Variants in FGD3 observed in about 807,000 individuals in gnomAD.
FGD3 encodes FYVE, RhoGEF and PH domain containing 3.
A neutral mutation model predicts 71.8 loss-of-function variants in FGD3; 45 were observed. The observed-to-expected ratio is 0.63, with a 90% CI of 0.49 to 0.80. The LOEUF (loss-of-function observed/expected upper bound fraction) is 0.80, where lower values mean the gene tolerates loss of function less well. Ranked by LOEUF, FGD3 falls within the 30% of genes least tolerant of loss-of-function variation. The pLI, the probability that FGD3 is intolerant of heterozygous loss-of-function variation, is 0.00. For synonymous variants in FGD3, 378 were observed against 392.8 expected, an observed-to-expected ratio of 0.96 and a Z score of 0.44; for missense variants, 844 against 951.5, an observed-to-expected ratio of 0.89 and a Z score of 1.49.
At chr9:93,021,945 G>A (rs1281890823) in intron 13 of FGD3, among the ~76,000 whole-genome samples, 2 of 152,196 alleles carry the variant, frequency 1.3e-5, no homozygotes, top group African/African-American at 4.8e-5. Flanking sequence ...GAGCCTCACT[G>A]TGCTGAGAAA....
intron 1 of FGD3, chr9:92,974,812 C>A (rs1194067997): frequency 6.6e-6 from 1 of 152,508 alleles, no homozygotes; most frequent in Non-Finnish European, 1.5e-5. Context: ...TTTGAGAGAG[C>A]CTCTCTGTAT....
chr9:92,999,407 C>T (rs1860772476), intron 3 of FGD3, among the ~76,000 whole-genome samples: 1 of 152,118 alleles, frequency 6.6e-6, no homozygotes, highest in African/African-American at 2.4e-5. Flanking sequence ...AATTCCCCAA[C>T]CCCTTGTGCT....
chr9:92,951,353 T>A (rs1858950656), intron 1 of FGD3, among the ~76,000 whole-genome samples: 1 of 152,200 alleles, frequency 6.6e-6, no homozygotes, highest in East Asian at 1.9e-4. Flanking sequence ...CATTGAAATG[T>A]GTCTTACGTG....
chr9:92,949,682 G>T (rs989298916), intron 1 of FGD3, among the ~76,000 whole-genome samples: 1 of 152,192 alleles, frequency 6.6e-6, no homozygotes, highest in East Asian at 1.9e-4. Flanking sequence ...AGCGGCTCTT[G>T]GCCCTGAGTG....
At chr9:92,952,834 C>T (rs1294936521) in intron 1 of FGD3, among the ~76,000 whole-genome samples, 2 of 151,988 alleles carry the variant, frequency 1.3e-5, no homozygotes, top group African/African-American at 4.8e-5. Context: ...CAGTTCTAAG[C>T]TTTCTGATTA....
At chr9:92,974,908 G>A (rs928015474) in intron 1 of FGD3, among the ~76,000 whole-genome samples, 1 of 152,228 alleles carries the variant, frequency 6.6e-6, no homozygotes, top group African/African-American at 2.4e-5. Context: ...GTGCCTGCAT[G>A]TTCAAGATGA....
chr9:93,031,313 C>T (rs1196585762), intron 15 of FGD3, among the ~76,000 whole-genome samples: 9 of 152,200 alleles, frequency 5.9e-5, no homozygotes, highest in Non-Finnish European at 1.0e-4. Flanking sequence ...TGCCCAGGTC[C>T]CTGCTCAGCT....
At chr9:92,978,033 A>T (rs1859833551) in intron 3 of FGD3, among the ~76,000 whole-genome samples, 1 of 152,224 alleles carries the variant, frequency 6.6e-6, no homozygotes, top group South Asian at 2.1e-4. Flanking sequence ...CTATAATCCT[A>T]GCACTTTGGG....
intron 1 of FGD3, among the ~76,000 whole-genome samples, chr9:92,952,329 T>C (rs1248015275): frequency 6.6e-6 from 1 of 150,858 alleles, no homozygotes; most frequent in Non-Finnish European, 1.5e-5. Context: ...CTCCGCTTCC[T>C]GGCTTCACCC....
chr9:93,011,117 C>T, intron 7 of FGD3, 97 bp from the exon 8 acceptor site: 3 of 1,239,130 alleles, frequency 2.4e-6, no homozygotes, highest in South Asian at 2.4e-5. Flanking sequence ...AGGGCAGAGA[C>T]AGATCCTCTC....
rs1361108412 is a variant in FGD3 at position 93,015,786 on chromosome 9, A to G, written c.1232A>G (p.Gln411Arg). Residue 411 changes from glutamine (Q) to arginine (R), a missense_variant, in exon 10 of 18, where the codon CAG becomes CGG. By Grantham distance (43) the Gln-to-Arg change is conservative (BLOSUM62 1). Transcript: ENST00000375482. ...GTGCCCAAGCTGCGGCTCATGGGCC[A>G]GAAGTTCAGCGTCCGGGAGAAGATG... is the stretch of plus-strand genomic sequence containing the variant. ...YCVPKLRLMGQKFSVREKMDI... is the reference protein window; with the variant it reads ...YCVPKLRLMGRKFSVREKMDI... The G allele has an allele frequency of 6.2e-7, 1 of 1,614,202 alleles. No individual in the cohort carries two copies. Among genetic ancestry groups the G allele is most frequent in the Non-Finnish European group, 8.5e-7 (1 of 1,180,036 alleles).
intron 1 of FGD3, among the ~76,000 whole-genome samples, chr9:92,954,537 G>A (rs2118499890): frequency 6.6e-6 from 1 of 152,282 alleles, no homozygotes; most frequent in South Asian, 2.1e-4. Context: ...GAGCAGAAGG[G>A]CAGGGGCCGG....
chr9:92,982,685 T>C (rs1171654958), intron 3 of FGD3, among the ~76,000 whole-genome samples: 1 of 152,018 alleles, frequency 6.6e-6, no homozygotes, highest in Admixed American at 6.6e-5. Context: ...ATTTCAGCTC[T>C]CCATAAGAGT....
intron 1 of FGD3, among the ~76,000 whole-genome samples, chr9:92,956,645 A>C (rs1859055657): frequency 6.6e-6 from 1 of 152,136 alleles, no homozygotes; most frequent in Non-Finnish European, 1.5e-5. Flanking sequence ...GTGAGAAAGT[A>C]AATTTTTGAC....
intron 11 of FGD3, 67 bp downstream of exon 11, chr9:93,018,282 C>A (rs1861782831): frequency 7.1e-7 from 1 of 1,402,526 alleles, no homozygotes; most frequent in African/African-American, 1.4e-5. Flanking sequence ...ACTGGTTAAC[C>A]TTGTAATATA....
intron 1 of FGD3, among the ~76,000 whole-genome samples, chr9:92,966,988 G>A (rs1859356446): frequency 6.7e-6 from 1 of 149,340 alleles, no homozygotes; most frequent in Non-Finnish European, 1.5e-5. Flanking sequence ...GGGGGATGGA[G>A]TCTCACTCTG....
intron 9 of FGD3, among the ~76,000 whole-genome samples, chr9:93,015,274 G>T (rs1468969805): frequency 1.3e-5 from 2 of 152,018 alleles, no homozygotes; most frequent in East Asian, 3.9e-4. Context: ...TGGCCAACAT[G>T]GCGAAACCCC....
At position 93,002,967 on chromosome 9, in the gene FGD3, C is replaced by CT. The variant is rs1362622006; in HGVS notation, c.497dup (p.His167AlafsTer37). On this transcript the variant is annotated frameshift_variant, in exon 4 of 18. Transcript: ENST00000375482. LOFTEE classifies it high-confidence loss of function. Reference sequence around the variant, plus strand: ...GCTTCTCCACATTGCCCAGGAGCTCCTGCACACCGAGGAGACCTATGTGAA... The same window carrying CT: ...GCTTCTCCACATTGCCCAGGAGCTCCTTGCACACCGAGGAGACCTATGTGAA... The CT allele has an allele frequency of 6.2e-7, 1 of 1,614,162 alleles. No individual in the cohort carries two copies. The highest frequency in any genetic ancestry group is 8.5e-7 in the Non-Finnish European group (1 of 1,180,044).
chr9:93,035,455 TACCTGAGCGCC>T lies in FGD3; in HGVS notation c.2045_2055del (p.Tyr682PhefsTer43). 1.9e-6 allele frequency: 3 copies of T among 1,613,370 alleles called. No individual in the cohort carries two copies. The highest frequency in any genetic ancestry group is 2.5e-6 in the Non-Finnish European group (3 of 1,179,832). On this transcript the variant is annotated frameshift_variant, in exon 18 of 18. Transcript: ENST00000375482. LOFTEE classifies it low-confidence loss of function (END_TRUNC). ...GCTGCAGTGGGCCAAGCAGTCCTGG[TACCTGAGCGCC>T]TCCTCCGCAGAGCTGCAGCAGCAGT...
Sources: gnomAD v4.1 joint callset for allele counts (sites outside exome capture counted in the v4.1 genomes callset) on GRCh38, gnomAD v4.1.1 for gene constraint, MANE v1.5 for transcripts, NCBI Gene and HGNC (gene_info 2026-07-23, HGNC 2026-07-21) for gene names.